The following ZNRF3 variants were observed in gnomAD, a reference collection of about 807,000 sequenced individuals.
The protein encoded by ZNRF3 is E3 ubiquitin-protein ligase ZNRF3.
ZNRF3 carries 23 observed loss-of-function variants against 72.5 expected under a neutral mutation model. That is an observed-to-expected ratio of 0.32 (90% confidence interval 0.23 to 0.45). The LOEUF is 0.45. ZNRF3 is among the 20% of genes least tolerant of loss of function. The probability of loss-of-function intolerance (pLI) is 1.00; values close to 1 mark genes in which losing one functional copy is unlikely to be tolerated. For missense variants in ZNRF3, 1,169 were observed against 1,272.1 expected, an observed-to-expected ratio of 0.92 and a Z score of 1.23; for synonymous variants, 610 against 545.3, an observed-to-expected ratio of 1.12 and a Z score of -1.65.
intron 1 of ZNRF3, among the ~76,000 whole-genome samples, chr22:28,919,764 C>A (rs2034476675): frequency 6.6e-6 from 1 of 152,040 alleles, no homozygotes; most frequent in Non-Finnish European, 1.5e-5. Flanking sequence ...GCCTCAGCCT[C>A]CCAAAGTGCT....
chr22:29,048,366 G>A lies in ZNRF3; in HGVS notation c.913-23G>A, dbSNP rs1162056504. The A allele has an allele frequency of 6.2e-7, 1 of 1,607,218 alleles. No homozygotes were observed. Among genetic ancestry groups the A allele is most frequent in the Non-Finnish European group, 8.5e-7 (1 of 1,174,792 alleles). On this transcript the variant is annotated intron_variant, in intron 6 of 8. Transcript: ENST00000544604. This position sits in a 1 kb window ranked among gnomAD's most constrained non-coding sequence, Gnocchi z 4.9. ...CACCTGCGAGGCTGAAGGCAGACTTGTGTCCCCTCTCTCCCTGCCCAGGAG... is the reference window on the plus strand; with the variant it reads ...CACCTGCGAGGCTGAAGGCAGACTTATGTCCCCTCTCTCCCTGCCCAGGAG...
intron 1 of ZNRF3, among the ~76,000 whole-genome samples, chr22:28,976,928 C>T (rs1392212865): frequency 2.0e-5 from 3 of 152,080 alleles, no homozygotes; most frequent in Admixed American, 6.6e-5. Context: ...TAAAGTCAGG[C>T]GTGAGATATA....
chr22:29,005,848 C>T (rs557605015), intron 2 of ZNRF3, among the ~76,000 whole-genome samples: 3 of 152,128 alleles, frequency 2.0e-5, no homozygotes, highest in African/African-American at 7.2e-5. Context: ...CCAGCCTGAC[C>T]AACATGGAGA....
At chr22:28,931,619 ATCCATCTGTCCACCCATCTG>A (rs1435966475) in intron 1 of ZNRF3, among the ~76,000 whole-genome samples, 2 of 152,198 alleles carry the variant, frequency 1.3e-5, no homozygotes, top group Admixed American at 6.5e-5. Context: ...AGGGAGCCCC[ATCCATCTGTCCACCCATCTG>A]TCCATCTGTC....
intron 1 of ZNRF3, among the ~76,000 whole-genome samples, chr22:28,887,767 T>C (rs1030860089): frequency 2.6e-4 from 40 of 152,324 alleles, no homozygotes; most frequent in African/African-American, 7.7e-4. Flanking sequence ...GATATATTGA[T>C]ACATATTTCA....
intron 1 of ZNRF3, among the ~76,000 whole-genome samples, chr22:28,935,832 C>T (rs1343450114): frequency 2.0e-5 from 3 of 152,170 alleles, no homozygotes; most frequent in East Asian, 1.9e-4. Context: ...AATGGCTCCC[C>T]TACCCGAATT....
At chr22:28,913,949 G>A (rs1055687367) in intron 1 of ZNRF3, among the ~76,000 whole-genome samples, 2 of 152,088 alleles carry the variant, frequency 1.3e-5, no homozygotes, top group Non-Finnish European at 2.9e-5. Context: ...ATGCCTCTTC[G>A]TTTGCCCCGC....
rs753361980 is a variant in ZNRF3, at chr22:29,057,036, A to T, written c.*3414A>T. ...TAAACTCTTTCTATTGTGTTGGTCTAACAAGGCACTATTTTAAAATTTTTT... is the reference window on the plus strand; with the variant it reads ...TAAACTCTTTCTATTGTGTTGGTCTTACAAGGCACTATTTTAAAATTTTTT... On this transcript the variant is annotated 3_prime_UTR_variant, in exon 9 of 9. Transcript: ENST00000544604. 1.3e-4 allele frequency: 20 copies of T among 152,218 alleles called. No homozygotes were observed. The highest frequency in any genetic ancestry group is 2.9e-4 in the Non-Finnish European group (20 of 68,044). The allele number at this position is 152,218 out of a possible 1,614,324, so 9.4% of individuals were successfully genotyped here. A position where few individuals can be genotyped will look rare whatever the true frequency, so the allele number is the denominator to read the frequency against.
chr22:28,885,590 T>TAAAAAAAAAA (rs34201242), intron 1 of ZNRF3, among the ~76,000 whole-genome samples: 1 of 102,744 alleles, frequency 9.7e-6, no homozygotes, highest in Non-Finnish European at 2.0e-5. Context: ...TACAGCCTTC[T>TAAAAAAAAAA]AAAAAAAAAA....
At chr22:29,010,833 C>T (rs1197804630) in intron 2 of ZNRF3, among the ~76,000 whole-genome samples, 2 of 152,060 alleles carry the variant, frequency 1.3e-5, no homozygotes, top group Non-Finnish European at 2.9e-5. Flanking sequence ...CCATGCCCAA[C>T]TAATTTTTCT....
At chr22:28,972,448 C>T (rs1433446097) in intron 1 of ZNRF3, among the ~76,000 whole-genome samples, 4 of 152,204 alleles carry the variant, frequency 2.6e-5, no homozygotes, top group Non-Finnish European at 5.9e-5. Flanking sequence ...GTACTCTGTT[C>T]AATTTTGTGG....
chr22:29,020,763 T>TG (rs1569284145), intron 2 of ZNRF3, among the ~76,000 whole-genome samples: 5,040 of 66,716 alleles, frequency 0.076, 281 homozygotes, highest in African/African-American at 0.12. Flanking sequence ...GGCTTTGTTT[T>TG]TGTGTGTGTG....
At chr22:29,021,654 AT>A (rs1317119574) in intron 2 of ZNRF3, among the ~76,000 whole-genome samples, 2 of 151,662 alleles carry the variant, frequency 1.3e-5, no homozygotes, top group East Asian at 3.9e-4. Flanking sequence ...TGCCCGGCTA[AT>A]TTTTGTATAT....
intron 2 of ZNRF3, among the ~76,000 whole-genome samples, chr22:29,028,810 T>G (rs1349386579): frequency 6.6e-6 from 1 of 152,208 alleles, no homozygotes; most frequent in Non-Finnish European, 1.5e-5. Flanking sequence ...TTACTTTCCC[T>G]CTTGGAGTCT....
intron 1 of ZNRF3, among the ~76,000 whole-genome samples, chr22:28,925,263 A>G (rs2034580677): frequency 1.3e-5 from 2 of 152,206 alleles, no homozygotes; most frequent in Non-Finnish European, 2.9e-5. Flanking sequence ...CTTAAGTCAT[A>G]GTGACTAAAG....
chr22:28,904,384 A>G (rs968847053), intron 1 of ZNRF3, among the ~76,000 whole-genome samples: 9 of 152,052 alleles, frequency 5.9e-5, no homozygotes, highest in Non-Finnish European at 1.2e-4. Flanking sequence ...CCTTATTAAA[A>G]CTCAACTGCT....
At chr22:29,040,124 C>T (rs2036934335) in intron 2 of ZNRF3, among the ~76,000 whole-genome samples, 1 of 151,802 alleles carries the variant, frequency 6.6e-6, no homozygotes, top group African/African-American at 2.4e-5. Flanking sequence ...GTGACCAAGG[C>T]TGGGAATTTA....
At chr22:28,997,407 G>T in intron 2 of ZNRF3, among the ~76,000 whole-genome samples, 1 of 151,860 alleles carries the variant, frequency 6.6e-6, no homozygotes, top group East Asian at 1.9e-4. Flanking sequence ...TCAGGGTTGG[G>T]GGGTGGGAGT....
chr22:29,020,492 C>T (rs1426668856), intron 2 of ZNRF3, among the ~76,000 whole-genome samples: 4 of 151,844 alleles, frequency 2.6e-5, no homozygotes, highest in Admixed American at 1.3e-4. Context: ...AACTCCTAGA[C>T]TCAGGCAATC....
Sources: gnomAD v4.1 joint callset for allele counts (sites outside exome capture counted in the v4.1 genomes callset) on GRCh38, gnomAD v4.1.1 for gene constraint, Gnocchi (gnomAD v3.1) non-coding constraint, MANE v1.5 for transcripts, NCBI Gene and HGNC (gene_info 2026-07-23, HGNC 2026-07-21) for gene names.